Variants in WWP2 observed in about 807,000 individuals in gnomAD.
WWP2 encodes the protein WW domain containing E3 ubiquitin protein ligase 2.
WWP2 carries 57 observed loss-of-function variants against 121.0 expected under a neutral mutation model. The ratio of observed to expected loss-of-function variants is 0.47; its 90% CI spans 0.38 to 0.59. WWP2 has a LOEUF of 0.59. WWP2 is among the 20% of genes least tolerant of loss of function. The pLI, the probability that WWP2 is intolerant of heterozygous loss-of-function variation, is 0.00. For synonymous variants in WWP2, 449 were observed against 441.3 expected (o/e 1.02, Z -0.22); for missense variants, 962 against 1,158.9 (o/e 0.83, Z 2.47).
At chr16:69,869,737 C>T (rs2057597454) in intron 6 of WWP2, among the ~76,000 whole-genome samples, 1 of 152,160 alleles carries the variant, frequency 6.6e-6, no homozygotes, top group Non-Finnish European at 1.5e-5. Flanking sequence ...CTTCTTTATT[C>T]CCAATATCCA....
chr16:69,833,667 T>C (rs2056829560), intron 4 of WWP2, among the ~76,000 whole-genome samples: 1 of 152,282 alleles, frequency 6.6e-6, no homozygotes, highest in Non-Finnish European at 1.5e-5. Context: ...GTATGTTTGC[T>C]GATTACTGAA....
At chr16:69,902,383 A>G (rs937907772) in intron 8 of WWP2, among the ~76,000 whole-genome samples, 4 of 152,274 alleles carry the variant, frequency 2.6e-5, no homozygotes, top group Non-Finnish European at 5.9e-5. Flanking sequence ...ATTTAGGGAA[A>G]GGAAAAAGTA....
In WWP2 at chr16:69,937,580, G is replaced by T; in HGVS notation, c.2271G>T (p.Met757Ile). The T allele has an allele frequency of 6.2e-7, 1 of 1,613,980 alleles. No homozygotes were observed. Among genetic ancestry groups the T allele is most frequent in the South Asian group, 1.1e-5 (1 of 91,020 alleles). ...LMLCGMQEID[M>I]SDWQKSTIYR... ...TGTGCGGCATGCAGGAGATAGACAT[G>T]AGCGACTGGCAGAAGAGCACCATCT... The change falls in exon 21 of 24, where the codon ATG (methionine) becomes ATT (isoleucine). Residue 757 changes from methionine to isoleucine, a missense_variant. Coordinates refer to ENST00000359154, the MANE Select transcript of WWP2 (RefSeq NM_001270454.2). The surrounding 1 kb of genome is among the most constrained non-coding windows in gnomAD (Gnocchi z 6.6).
intron 10 of WWP2, among the ~76,000 whole-genome samples, chr16:69,922,077 CA>C (rs530518146): frequency 0.18 from 17,430 of 96,486 alleles, 2,835 homozygotes; most frequent in African/African-American, 0.48. Flanking sequence ...GACTCCATCT[CA>C]AAAAAAAAAA....
At chr16:69,837,167 C>T (rs2056891867) in intron 4 of WWP2, among the ~76,000 whole-genome samples, 1 of 150,116 alleles carries the variant, frequency 6.7e-6, no homozygotes, top group African/African-American at 2.5e-5. Context: ...TCAAGCAATC[C>T]ATCCTCCTTG....
At chr16:69,846,966 T>C (rs1441564372) in intron 6 of WWP2, among the ~76,000 whole-genome samples, 2 of 152,168 alleles carry the variant, frequency 1.3e-5, no homozygotes, top group Non-Finnish European at 2.9e-5. Context: ...CACCCACAGC[T>C]CACTGCAGCC....
At chr16:69,936,594 C>A (rs1036799056) in intron 19 of WWP2, 142 bp downstream of exon 19, 3 of 1,259,418 alleles carry the variant, frequency 2.4e-6, no homozygotes, top group African/African-American at 1.5e-5. Flanking sequence ...TGCTGGTGGG[C>A]GGTCATGTGA....
intron 7 of WWP2, among the ~76,000 whole-genome samples, chr16:69,872,715 A>T (rs2057663016): frequency 1.3e-5 from 2 of 152,206 alleles, no homozygotes; most frequent in Admixed American, 6.5e-5. Context: ...GAGCCAGGTA[A>T]CTACTTGGGG....
intron 8 of WWP2, among the ~76,000 whole-genome samples, chr16:69,904,984 A>G (rs1316522229): frequency 6.6e-6 from 1 of 152,242 alleles, no homozygotes; most frequent in Non-Finnish European, 1.5e-5. Context: ...AACCCAAATT[A>G]GGAGTATATG....
chr16:69,885,921 T>C (rs2057914941), intron 7 of WWP2, among the ~76,000 whole-genome samples: 1 of 152,150 alleles, frequency 6.6e-6, no homozygotes, highest in African/African-American at 2.4e-5. Flanking sequence ...TGGTATCTGA[T>C]TTATTATGTT....
intron 1 of WWP2, among the ~76,000 whole-genome samples, chr16:69,764,299 C>T (rs868091981): frequency 1.3e-5 from 2 of 152,078 alleles, no homozygotes; most frequent in African/African-American, 4.8e-5. Context: ...TGCCTGGGCT[C>T]GGGTGATCCT....
Position 69,925,218 on chromosome 16 carries a change from G to A in WWP2, c.1180-212G>A, listed in dbSNP as rs1230827863. The A allele has an allele frequency of 1.3e-5, 18 of 1,416,570 alleles. No homozygotes were observed. Among genetic ancestry groups the A allele is most frequent in the Middle Eastern group, 4.0e-4 (2 of 5,006 alleles). 87.8% of individuals were successfully genotyped at this position (1,416,570 alleles called of 1,614,324 possible). On this transcript the variant is annotated intron_variant, in intron 10 of 23. Transcript: ENST00000359154. The surrounding 1 kb of genome is among the most constrained non-coding windows in gnomAD (Gnocchi z 4.0). ...CAAAACTCACTTGGGCCCTCCGTGC[G>A]CAGGGTTCTTTTTTGGTTTTTCTGT... is the stretch of plus-strand genomic sequence containing the variant.
Position 69,929,503 on chromosome 16 carries a change from C to T in WWP2, c.1290C>T (p.Thr430=). 1 of 1,614,092 alleles carries T rather than the reference C, an allele frequency of 6.2e-7. No homozygotes were observed. The highest frequency in any genetic ancestry group is 8.5e-7 in the Non-Finnish European group (1 of 1,179,998). The change falls in exon 12 of 24, where the codon ACC becomes ACT. Residue 430 remains threonine (T), a synonymous_variant. Transcript: ENST00000359154. ...ACGTGAACCATAACACTCGCACGAC[C>T]CAGTGGGAGGATCCCCGGACCCAGG... ...VYYVNHNTRT[T]QWEDPRTQGM...
chr16:69,911,264 C>T lies in WWP2; in HGVS notation c.1004+2414C>T, dbSNP rs369888251. On this transcript the variant is annotated intron_variant, in intron 9 of 23. Coordinates refer to ENST00000359154, the MANE Select transcript of WWP2 (RefSeq NM_001270454.2). ...TATCCGGGAGCAATAAGTATTGGAC[C>T]TAGTAGCTCAGGGTGAATGCATCCA... Among the ~76,000 whole-genome samples the T allele has an allele frequency of 9.9e-5, 15 of 152,264 alleles. No individual in the cohort carries two copies. In the South Asian group the frequency reaches 2.9e-3, roughly 29 times the overall value.
At chr16:69,810,807 T>C (rs1464000289) in intron 4 of WWP2, among the ~76,000 whole-genome samples, 2 of 138,728 alleles carry the variant, frequency 1.4e-5, no homozygotes, top group East Asian at 4.4e-4. Context: ...CAGACTGGAG[T>C]GCAGTGGCAC....
intron 4 of WWP2, among the ~76,000 whole-genome samples, chr16:69,804,579 T>C (rs1320023276): frequency 6.6e-6 from 1 of 152,224 alleles, no homozygotes; most frequent in East Asian, 1.9e-4. Flanking sequence ...GTCTATGCTA[T>C]TGTAAAATTA....
intron 4 of WWP2, among the ~76,000 whole-genome samples, chr16:69,818,087 A>G (rs972472437): frequency 2.6e-5 from 4 of 152,106 alleles, no homozygotes; most frequent in African/African-American, 9.7e-5. Flanking sequence ...TATCTCCAAC[A>G]GCACTGGGTG....
At position 69,799,413 on chromosome 16, in the gene WWP2, T is replaced by G; in HGVS notation, c.340+118T>G. 1 of 1,385,250 alleles carries G rather than the reference T, an allele frequency of 7.2e-7. No homozygotes were observed. Among genetic ancestry groups the G allele is most frequent in the Non-Finnish European group, 9.6e-7 (1 of 1,041,778 alleles). 85.8% of individuals were successfully genotyped at this position (1,385,250 alleles called of 1,614,324 possible). On this transcript the variant is annotated intron_variant, in intron 4 of 23. Transcript: ENST00000359154. This position sits in a 1 kb window ranked among gnomAD's most constrained non-coding sequence, Gnocchi z 4.5. ...AGGGGCTGCAGTACCTCTGTTCTCC[T>G]TGGATGCTGTCTTTGGAGTTTTGGG...
chr16:69,893,565 G>A (rs1364671298), intron 8 of WWP2, among the ~76,000 whole-genome samples: 1 of 151,972 alleles, frequency 6.6e-6, no homozygotes, highest in African/African-American at 2.4e-5. Context: ...TTTTTTGTTT[G>A]TTTGTTTTTG....
Sources: gnomAD v4.1 joint callset for allele counts (sites outside exome capture counted in the v4.1 genomes callset) on GRCh38, gnomAD v4.1.1 for gene constraint, Gnocchi (gnomAD v3.1) non-coding constraint, MANE v1.5 for transcripts, NCBI Gene and HGNC (gene_info 2026-07-23, HGNC 2026-07-21) for gene names.